Variants in REXO1 observed in about 807,000 individuals in gnomAD.
The protein encoded by REXO1 is RNA exonuclease 1 homolog.
REXO1 carries 42 observed loss-of-function variants against 102.6 expected under a neutral mutation model. The observed-to-expected ratio is 0.41, with a 90% CI of 0.32 to 0.53. The LOEUF is 0.53. REXO1 is among the 20% of genes least tolerant of loss of function. The probability of loss-of-function intolerance (pLI) is 0.27; values close to 1 mark genes in which losing one functional copy is unlikely to be tolerated. For synonymous variants in REXO1, 908 were observed against 779.1 expected (o/e 1.17, Z -2.76); for missense variants, 1,819 against 1,732.5 (o/e 1.05, Z -0.89).
At position 1,827,488 on chromosome 19, in the gene REXO1, T is replaced by G. The variant is rs2069768731; in HGVS notation, c.1301A>C (p.Lys434Thr). ...AGGAGTGGCCGAAGATGGCTTCTTC[T>G]TGGTCCCTTCCGGCCGCTCTGCCTT... is the stretch of plus-strand genomic sequence containing the variant. ...RRKAERPEGT[K>T]KKPSSATPVA... Residue 434 changes from lysine (K) to threonine (T), a missense_variant, in exon 2 of 16, where the codon AAG becomes ACG. Transcript: ENST00000170168. 6.3e-7 allele frequency: 1 copy of G among 1,578,510 alleles called. No homozygotes were observed. Among genetic ancestry groups the G allele is most frequent in the Non-Finnish European group, 8.5e-7 (1 of 1,172,308 alleles).
In REXO1 at chr19:1,815,557, A is replaced by C; in HGVS notation, c.*509T>G. 2.5e-5 allele frequency: 13 copies of C among 529,746 alleles called. No homozygotes were observed. Among genetic ancestry groups the C allele is most frequent in the Non-Finnish European group, 3.3e-5 (12 of 361,552 alleles). The allele number at this position is 529,746 out of a possible 1,614,324, so 32.8% of individuals were successfully genotyped here. ...CCTGGCCCCCACTGGGGTCTGTCCC[A>C]CCCCCACCCCGCAGGAGGGAAGGCA... On this transcript the variant is annotated 3_prime_UTR_variant, in exon 16 of 16. Coordinates refer to ENST00000170168, the MANE Select transcript of REXO1 (RefSeq NM_020695.4). The surrounding 1 kb of genome is among the most constrained non-coding windows in gnomAD (Gnocchi z 4.0).
chr19:1,827,134 G>C lies in REXO1; in HGVS notation c.1655C>G (p.Ser552Cys). Residue 552 changes from serine to cysteine, a missense_variant, in exon 2 of 16, where the codon TCC becomes TGC. Physicochemically the swap from Ser to Cys is moderately radical, Grantham distance 112 (BLOSUM62 -1). Transcript: ENST00000170168. ...ALPSLSSDSD[S>C]DSDSSLGFPE... ...GAAGCCCAGGCTGGAGTCTGAGTCG[G>C]AGTCTGAGTCCGAGCTGAGGCTGGG... is the stretch of plus-strand genomic sequence containing the variant. 1 of 1,542,384 alleles carries C rather than the reference G, an allele frequency of 6.5e-7. No individual in the cohort carries two copies. Among genetic ancestry groups the C allele is most frequent in the Non-Finnish European group, 8.7e-7 (1 of 1,146,320 alleles).
rs151243588 is a variant in REXO1, at chr19:1,842,922, C to G, written c.157+5280G>C. 8.1e-4 allele frequency among the ~76,000 whole-genome samples: 123 copies of G among 152,348 alleles called. 2 individuals are homozygous for G. The East Asian group carries it at 0.022, about 27-fold the overall frequency. On this transcript the variant is annotated intron_variant, in intron 1 of 15. Transcript: ENST00000170168. ...AGGCCCCCAGGCCCTGGGAACCCAGCGCTTTTCCCATCGCCATCCACCTGG... is the reference window on the plus strand; with the variant it reads ...AGGCCCCCAGGCCCTGGGAACCCAGGGCTTTTCCCATCGCCATCCACCTGG...
At position 1,834,871 on chromosome 19, in the gene REXO1, C is replaced by T. The variant is rs1050361715; in HGVS notation, c.158-6240G>A. ...AAGAAAGCAGGCATGCTAGGCGGGT[C>T]CGAGAAGACTGAGATCAGGATCTGC... On this transcript the variant is annotated intron_variant, in intron 1 of 15. Transcript: ENST00000170168. The T allele has an allele frequency of 2.7e-5, 8 of 294,828 alleles. No individual in the cohort carries two copies. In the Middle Eastern group the frequency reaches 3.3e-3, roughly 123 times the overall value. The allele number at this position is 294,828 out of a possible 1,614,324, so 18.3% of individuals were successfully genotyped here.
chr19:1,827,802 G>T lies in REXO1; in HGVS notation c.987C>A (p.Ala329=), dbSNP rs368989418. ...TGGTCTCCCGCAGGCCGCCCCCCTCGGCCTCCAGGCCCTCTTTGGAGGGTG... is the reference window on the plus strand; with the variant it reads ...TGGTCTCCCGCAGGCCGCCCCCCTCTGCCTCCAGGCCCTCTTTGGAGGGTG... The part of the protein sequence containing the change: ...GQPPSKEGLE[A]EGGGLRETKE... Residue 329 remains alanine, a synonymous_variant, in exon 2 of 16, where the codon GCC becomes GCA. Transcript: ENST00000170168. 6.3e-7 allele frequency: 1 copy of T among 1,599,472 alleles called. No individual in the cohort carries two copies. Among genetic ancestry groups the T allele is most frequent in the Non-Finnish European group, 8.5e-7 (1 of 1,175,956 alleles).
chr19:1,838,664 C>CAAA (rs11433403), intron 1 of REXO1, among the ~76,000 whole-genome samples: 7 of 127,178 alleles, frequency 5.5e-5, no homozygotes, highest in Non-Finnish European at 8.1e-5. Flanking sequence ...GACTCCTTTT[C>CAAA]AAAAAAAAAA....
At chr19:1,818,010 C>T (rs576899390) in intron 10 of REXO1, among the ~76,000 whole-genome samples, 7 of 152,334 alleles carry the variant, frequency 4.6e-5, no homozygotes, top group African/African-American at 1.7e-4. Flanking sequence ...GGCCTCTTGG[C>T]AGCGCTGCCC....
At chr19:1,822,704 G>A (rs2069582723) in intron 4 of REXO1, 1 of 152,374 alleles carries the variant, frequency 6.6e-6, no homozygotes, top group Non-Finnish European at 1.5e-5. Flanking sequence ...TCTCAGCCGT[G>A]AGGGGGCTCT....
chr19:1,821,410 C>T lies in REXO1; in HGVS notation c.2394+109G>A, dbSNP rs577067015. On this transcript the variant is annotated intron_variant, in intron 5 of 15. Coordinates refer to ENST00000170168, the MANE Select transcript of REXO1 (RefSeq NM_020695.4). ...GAAGGCTGTACTGCGGTGTGGAGCA[C>T]GAAGGCCCGCAGGGCAGGGGCGAGG... is the stretch of plus-strand genomic sequence containing the variant. 3.8e-5 allele frequency: 50 copies of T among 1,330,306 alleles called. No individual in the cohort carries two copies. In the East Asian group the frequency reaches 7.9e-4, roughly 21 times the overall value. The allele number at this position is 1,330,306 out of a possible 1,614,324, so 82.4% of individuals were successfully genotyped here.
Position 1,815,970 on chromosome 19 carries a change from G to T in REXO1, c.*96C>A, listed in dbSNP as rs2069348771. On this transcript the variant is annotated 3_prime_UTR_variant, in exon 16 of 16. Transcript: ENST00000170168. The surrounding 1 kb of genome is among the most constrained non-coding windows in gnomAD (Gnocchi z 4.0). ...TGCTCTGGGCTGCCTCGGCCAGGTG[G>T]ACGGGTTACCGGAGATTTATTGCAC... is the stretch of plus-strand genomic sequence containing the variant. 6.5e-7 allele frequency: 1 copy of T among 1,535,694 alleles called. No individual in the cohort carries two copies. Among genetic ancestry groups the T allele is most frequent in the African/African-American group, 1.4e-5 (1 of 73,144 alleles).
chr19:1,826,902 C>T lies in REXO1; in HGVS notation c.1887G>A (p.Glu629=), dbSNP rs752603660. Residue 629 remains glutamate (E), a synonymous_variant, in exon 2 of 16, where the codon GAG becomes GAA. Coordinates refer to ENST00000170168, the MANE Select transcript of REXO1 (RefSeq NM_020695.4). The surrounding 1 kb of genome is among the most constrained non-coding windows in gnomAD (Gnocchi z 4.3). ...IFNESTSVKT[E]DRGRLARQPP... ...CCTGCCGGGCCAGCCGGCCTCTGTC[C>T]TCCGTCTTGACGCTGGTGGACTCGT... 1.3e-6 allele frequency: 2 copies of T among 1,583,288 alleles called. No individual in the cohort carries two copies. The highest frequency in any genetic ancestry group is 8.6e-7 in the Non-Finnish European group (1 of 1,165,646).
chr19:1,847,063 CCT>C (rs953199014), intron 1 of REXO1, among the ~76,000 whole-genome samples: 7 of 152,158 alleles, frequency 4.6e-5, no homozygotes, highest in Non-Finnish European at 8.8e-5. Flanking sequence ...TCGGCAGGTC[CCT>C]GAGAGCACAG....
intron 5 of REXO1, among the ~76,000 whole-genome samples, chr19:1,820,809 G>A (rs1351433367): frequency 6.6e-6 from 1 of 151,846 alleles, no homozygotes; most frequent in Non-Finnish European, 1.5e-5. Context: ...CCTGGACAAC[G>A]TGGCAAAACC....
chr19:1,818,505 C>A lies in REXO1; in HGVS notation c.2993G>T (p.Trp998Leu), dbSNP rs1306887091. Residue 998 changes from tryptophan (W) to leucine (L), a missense_variant, in exon 10 of 16, where the codon TGG (tryptophan) becomes TTG (leucine). Transcript: ENST00000170168. ...ACCCCGGTTCCGGCGCAGCCGTCCC[C>A]AGTGGTAATAACACTCCTCGTCCCG... Reference protein sequence around the residue: ...CIRDEECYYHWGRLRRNRVAG... With the variant: ...CIRDEECYYHLGRLRRNRVAG... 58 of 1,610,164 alleles carry A rather than the reference C, an allele frequency of 3.6e-5. No individual in the cohort carries two copies. The highest frequency in any genetic ancestry group is 4.8e-5 in the Non-Finnish European group (57 of 1,179,074).
rs987075071 is a variant in REXO1 at position 1,826,369 on chromosome 19, C to T, written c.1912-426G>A. Among the ~76,000 whole-genome samples the T allele has an allele frequency of 2.0e-5, 3 of 150,662 alleles. No homozygotes were observed. Among genetic ancestry groups the T allele is most frequent in the Admixed American group, 6.6e-5 (1 of 15,202 alleles). On this transcript the variant is annotated intron_variant, in intron 2 of 15. Coordinates refer to ENST00000170168, the MANE Select transcript of REXO1 (RefSeq NM_020695.4). This position sits in a 1 kb window ranked among gnomAD's most constrained non-coding sequence, Gnocchi z 4.3. ...GGGCTGGCCCAGGAGAGCAAGAGCT[C>T]GCCACGCTGGGAGTAGGGAGGAGGG...
At chr19:1,821,900 G>A (rs2069554936) in intron 4 of REXO1, 2 of 582,636 alleles carry the variant, frequency 3.4e-6, no homozygotes, top group South Asian at 2.2e-5. Flanking sequence ...AGGCTGCGGA[G>A]GCCGCTGAGG....
chr19:1,827,178 G>GCT lies in REXO1; in HGVS notation c.1609_1610dup (p.Ser537ArgfsTer117). On this transcript the variant is annotated frameshift_variant, in exon 2 of 16. Transcript: ENST00000170168. LOFTEE classifies it high-confidence loss of function. ...GGCTGGGGAGGGCAGAGGGCCACACGCTCGGCACCCCTGGCCCTGCGGCCT... is the reference window on the plus strand; with the variant it reads ...GGCTGGGGAGGGCAGAGGGCCACACGCTCTCGGCACCCCTGGCCCTGCGGCCT... 6.5e-7 allele frequency: 1 copy of GCT among 1,541,044 alleles called. No individual in the cohort carries two copies. Among genetic ancestry groups the GCT allele is most frequent in the Non-Finnish European group, 8.7e-7 (1 of 1,146,568 alleles).
chr19:1,820,432 T>C (rs2069498790), intron 5 of REXO1, 37 bp from the exon 6 acceptor site: 1 of 1,607,454 alleles, frequency 6.2e-7, no homozygotes, highest in Non-Finnish European at 8.5e-7. Flanking sequence ...GGTGAGGGCC[T>C]CCACAAGGCC....
chr19:1,836,598 T>C (rs1005573014), intron 1 of REXO1, among the ~76,000 whole-genome samples: 1 of 151,760 alleles, frequency 6.6e-6, no homozygotes. Flanking sequence ...AAACACAAAT[T>C]AGCCGGGCGT....
Sources: allele counts gnomAD v4.1 joint callset (sites outside exome capture counted in the v4.1 genomes callset), GRCh38; gene constraint gnomAD v4.1.1; non-coding constraint Gnocchi (gnomAD v3.1); transcripts MANE v1.5; gene names NCBI Gene and HGNC (gene_info 2026-07-23, HGNC 2026-07-21).